Variants in ZC3H12D observed in about 807,000 individuals in gnomAD.
The protein encoded by ZC3H12D is probable ribonuclease ZC3H12D.
ZC3H12D carries 11 observed loss-of-function variants against 24.2 expected under a neutral mutation model. That is an observed-to-expected ratio of 0.46 (90% CI 0.29 to 0.75). ZC3H12D has a LOEUF of 0.75. ZC3H12D is among the 30% of genes least tolerant of loss of function. The probability of loss-of-function intolerance (pLI) is 0.11; values close to 1 mark genes in which losing one functional copy is unlikely to be tolerated. For missense variants in ZC3H12D, 740 were observed against 767.7 expected, an observed-to-expected ratio of 0.96 and a Z score of 0.43; for synonymous variants, 333 against 341.8, an observed-to-expected ratio of 0.97 and a Z score of 0.28.
Position 149,456,623 on chromosome 6 carries a change from G to GGGGGGAGGCCC in ZC3H12D, c.680+42_680+43insGGGCCTCCCCC. 4.0e-6 allele frequency: 3 copies of GGGGGGAGGCCC among 744,584 alleles called. No individual in the cohort carries two copies. Among genetic ancestry groups the GGGGGGAGGCCC allele is most frequent in the East Asian group, 3.5e-5 (1 of 28,324 alleles). 46.1% of individuals were successfully genotyped at this position (744,584 alleles called of 1,614,324 possible). On this transcript the variant is annotated intron_variant, in intron 4 of 5. Transcript: ENST00000409806. This position sits in a 1 kb window ranked among gnomAD's most constrained non-coding sequence, Gnocchi z 4.3. Reference sequence around the variant, plus strand: ...GCCACTGCCTCGACCCCGGCCCCCCGCCCCGCCGCCCCCCAGGGTGTCAGG... The same window carrying GGGGGGAGGCCC: ...GCCACTGCCTCGACCCCGGCCCCCCGGGGGGAGGCCCCCCCGCCGCCCCCCAGGGTGTCAGG...
chr6:149,460,687 G>A (rs569018874), intron 3 of ZC3H12D, among the ~76,000 whole-genome samples: 63 of 152,212 alleles, frequency 4.1e-4, no homozygotes, highest in Middle Eastern at 3.4e-3. Flanking sequence ...AAAATTAGCT[G>A]GGCGTGGTGG....
At chr6:149,453,455 T>C (rs1231659922) in intron 4 of ZC3H12D, among the ~76,000 whole-genome samples, 1 of 152,056 alleles carries the variant, frequency 6.6e-6, no homozygotes, top group Admixed American at 6.5e-5. Flanking sequence ...TGAAACCTCA[T>C]CTCTACTAAA....
chr6:149,478,332 C>T (rs1776373732), intron 1 of ZC3H12D, among the ~76,000 whole-genome samples: 1 of 152,050 alleles, frequency 6.6e-6, no homozygotes, highest in Non-Finnish European at 1.5e-5. Flanking sequence ...CAGCTGTCTT[C>T]TATTAACCCA....
At chr6:149,471,340 T>C (rs985245164) in intron 2 of ZC3H12D, among the ~76,000 whole-genome samples, 5 of 152,362 alleles carry the variant, frequency 3.3e-5, no homozygotes, top group East Asian at 3.9e-4. Flanking sequence ...CCAGCCAGTG[T>C]TGACCATAGT....
intron 3 of ZC3H12D, among the ~76,000 whole-genome samples, chr6:149,460,963 C>T (rs1479618103): frequency 1.3e-5 from 2 of 152,136 alleles, no homozygotes; most frequent in Admixed American, 6.5e-5. Context: ...CATAGTGAGA[C>T]TCCATCTCAA....
intron 1 of ZC3H12D, among the ~76,000 whole-genome samples, chr6:149,475,342 T>TG (rs2115012659): frequency 6.6e-6 from 1 of 152,342 alleles, no homozygotes; most frequent in South Asian, 2.1e-4. Context: ...AGAAAGGCAG[T>TG]GCTCCCACCC....
intron 2 of ZC3H12D, among the ~76,000 whole-genome samples, chr6:149,463,534 C>A (rs1776107643): frequency 6.6e-6 from 1 of 152,190 alleles, no homozygotes; most frequent in Non-Finnish European, 1.5e-5. Flanking sequence ...CATGGTGAAA[C>A]CCTGTCTCTA....
At chr6:149,476,509 A>G (rs1562478047) in intron 1 of ZC3H12D, among the ~76,000 whole-genome samples, 1 of 152,084 alleles carries the variant, frequency 6.6e-6, no homozygotes, top group Non-Finnish European at 1.5e-5. Flanking sequence ...ATCTCTCAAA[A>G]AAAAAAATGC....
chr6:149,451,599 A>G (rs1383234708), intron 5 of ZC3H12D, 120 bp from the exon 6 acceptor site: 1 of 843,752 alleles, frequency 1.2e-6, no homozygotes, highest in African/African-American at 1.8e-5. Flanking sequence ...TCCTCCAAGC[A>G]GGCCCCCAGG....
At position 149,451,352 on chromosome 6, in the gene ZC3H12D, C is replaced by T. The variant is rs369074618; in HGVS notation, c.915G>A (p.Glu305=). Residue 305 remains glutamate, a synonymous_variant, in exon 6 of 6, where the codon GAG becomes GAA. Coordinates refer to ENST00000409806, the MANE Select transcript of ZC3H12D (RefSeq NM_207360.3). Reference sequence around the variant, plus strand: ...CGCCCGGGGCTCTCGGTGGCCGCTGCTCCTCGGCGCCCGCGCCAGGCCGGG... The same window carrying T: ...CGCCCGGGGCTCTCGGTGGCCGCTGTTCCTCGGCGCCCGCGCCAGGCCGGG... ...TGARPGAGAE[E]QRPPRAPGGS... 1.4e-6 allele frequency: 2 copies of T among 1,475,296 alleles called. No homozygotes were observed. The highest frequency in any genetic ancestry group is 8.9e-7 in the Non-Finnish European group (1 of 1,122,142). 91.4% of individuals were successfully genotyped at this position (1,475,296 alleles called of 1,614,324 possible). A position where few individuals can be genotyped will look rare whatever the true frequency, so the allele number is the denominator to read the frequency against.
Position 149,449,925 on chromosome 6 carries a change from C to CTCTGTG in ZC3H12D, c.*757_*758insCACAGA, listed in dbSNP as rs1554268600. ...TGTGAGTATGTACATGTATGATAGA[C>CTCTGTG]TGTGTGTGTGTGTGTGTGTGTGTGT... is the stretch of plus-strand genomic sequence containing the variant. On this transcript the variant is annotated 3_prime_UTR_variant, in exon 6 of 6. Coordinates refer to ENST00000409806, the MANE Select transcript of ZC3H12D (RefSeq NM_207360.3). 2.8e-5 allele frequency: 4 copies of CTCTGTG among 143,990 alleles called. No homozygotes were observed. Among genetic ancestry groups the CTCTGTG allele is most frequent in the Non-Finnish European group, 1.5e-5 (1 of 65,942 alleles). 8.9% of individuals were successfully genotyped at this position (143,990 alleles called of 1,614,324 possible). A position where few individuals can be genotyped will look rare whatever the true frequency, so the allele number is the denominator to read the frequency against.
chr6:149,463,823 T>A (rs995889211), intron 2 of ZC3H12D, among the ~76,000 whole-genome samples: 1 of 152,168 alleles, frequency 6.6e-6, no homozygotes, highest in Non-Finnish European at 1.5e-5. Context: ...ATGGGAGTGA[T>A]AGAGAAGAAG....
Position 149,456,800 on chromosome 6 carries a change from G to GTAGC in ZC3H12D, c.542_545dup (p.Tyr182Ter). 1 of 1,613,418 alleles carries GTAGC rather than the reference G, an allele frequency of 6.2e-7. No homozygotes were observed. Among genetic ancestry groups the GTAGC allele is most frequent in the Non-Finnish European group, 8.5e-7 (1 of 1,179,800 alleles). The stretch of plus-strand genomic sequence containing the variant: ...CCTGCTCGTAGGCCACCTTCACGAT[G>GTAGC]TAGCGGTCGTCGTAGCAGACCAGGC... On this transcript the variant is annotated stop_gained and frameshift_variant, in exon 4 of 6. Coordinates refer to ENST00000409806, the MANE Select transcript of ZC3H12D (RefSeq NM_207360.3). LOFTEE classifies it high-confidence loss of function. This position sits in a 1 kb window ranked among gnomAD's most constrained non-coding sequence, Gnocchi z 4.3.
rs986758532 is a variant in ZC3H12D at position 149,474,321 on chromosome 6, C to A, written c.223G>T (p.Gly75Trp). ...GVPDSAQRGP[G>W]TALEEDFRTL... The stretch of plus-strand genomic sequence containing the variant: ...CTGAAGTCCTCTTCCAGGGCTGTCC[C>A]CGGGCCACGCTGGGCAGAGTCCGGG... Residue 75 changes from glycine (G) to tryptophan (W), a missense_variant, in exon 2 of 6, where the codon GGG (glycine) becomes TGG (tryptophan). Physicochemically the swap from Gly to Trp is radical, Grantham distance 184. Transcript: ENST00000409806. 8.2e-6 allele frequency: 13 copies of A among 1,594,544 alleles called. No homozygotes were observed. Among genetic ancestry groups the A allele is most frequent in the Non-Finnish European group, 1.1e-5 (13 of 1,166,412 alleles).
chr6:149,456,974 C>A lies in ZC3H12D; in HGVS notation c.446-74G>T. 2 of 1,427,726 alleles carry A rather than the reference C, an allele frequency of 1.4e-6. No homozygotes were observed. Among genetic ancestry groups the A allele is most frequent in the Non-Finnish European group, 9.5e-7 (1 of 1,049,278 alleles). The allele number at this position is 1,427,726 out of a possible 1,614,324, so 88.4% of individuals were successfully genotyped here. On this transcript the variant is annotated intron_variant, in intron 3 of 5. Coordinates refer to ENST00000409806, the MANE Select transcript of ZC3H12D (RefSeq NM_207360.3). This position sits in a 1 kb window ranked among gnomAD's most constrained non-coding sequence, Gnocchi z 4.3. ...CCTGAGAACCACCCCCAACGCGAGG[C>A]CACCCGCTTCCCGGGCCGGTCAGAT...
Position 149,452,776 on chromosome 6 carries a change from A to AAAT in ZC3H12D, c.681-55_681-54insATT. ...AGACCACCTGGGATTTGCCACCAGC[A>AAAT]CCTGTACAAAGGGAGCAGGCCCAAG... On this transcript the variant is annotated intron_variant, in intron 4 of 5. Transcript: ENST00000409806. The surrounding 1 kb of genome is among the most constrained non-coding windows in gnomAD (Gnocchi z 4.0). 6.7e-7 allele frequency: 1 copy of AAAT among 1,493,692 alleles called. No individual in the cohort carries two copies. The highest frequency in any genetic ancestry group is 2.4e-5 in the East Asian group (1 of 41,148). 92.5% of individuals were successfully genotyped at this position (1,493,692 alleles called of 1,614,324 possible).
rs1387490772 is a variant in ZC3H12D, at chr6:149,451,286, C to G, written c.981G>C (p.Ala327=). The change falls in exon 6 of 6, where the codon GCG becomes GCC. Residue 327 remains alanine, a synonymous_variant. Transcript: ENST00000409806. The part of the protein sequence containing the change: ...GARAAPREPF[A]HSLPPARGSP... ...ACCCCCGCGCCGGCGGGAGGCTGTG[C>G]GCAAATGGTTCCCGGGGGGCCGCCC... 3.8e-6 allele frequency: 5 copies of G among 1,317,754 alleles called. No homozygotes were observed. The highest frequency in any genetic ancestry group is 3.8e-6 in the Non-Finnish European group (4 of 1,042,140). 81.6% of individuals were successfully genotyped at this position (1,317,754 alleles called of 1,614,324 possible). A position where few individuals can be genotyped will look rare whatever the true frequency, so the allele number is the denominator to read the frequency against.
At chr6:149,462,275 G>A (rs1776086171) in intron 2 of ZC3H12D, among the ~76,000 whole-genome samples, 1 of 152,124 alleles carries the variant, frequency 6.6e-6, no homozygotes, top group Non-Finnish European at 1.5e-5. Context: ...TCTGGAGGCT[G>A]GGGCAGGAAA....
rs368280369 is a variant in ZC3H12D, at chr6:149,474,244, C to T, written c.300G>A (p.Ala100=). The change falls in exon 2 of 6, where the codon GCG becomes GCA. Residue 100 remains alanine (A), a synonymous_variant. Transcript: ENST00000409806. The part of the protein sequence containing the change: ...RPIVIDGSNV[A]MSHGNKETFS... ...ACAGGATGAAGGGAAGCTACCTCAT[C>T]GCCACGTTGCTGCCATCAATCACTA... is the stretch of plus-strand genomic sequence containing the variant. The T allele has an allele frequency of 3.1e-5, 46 of 1,477,870 alleles. 1 individual carries two copies. Among genetic ancestry groups the T allele is most frequent in the African/African-American group, 1.7e-4 (12 of 71,374 alleles). The allele number at this position is 1,477,870 out of a possible 1,614,324, so 91.5% of individuals were successfully genotyped here. A position where few individuals can be genotyped will look rare whatever the true frequency, so the allele number is the denominator to read the frequency against.
Sources: allele counts gnomAD v4.1 joint callset (sites outside exome capture counted in the v4.1 genomes callset), GRCh38; gene constraint gnomAD v4.1.1; non-coding constraint Gnocchi (gnomAD v3.1); transcripts MANE v1.5; gene names NCBI Gene and HGNC (gene_info 2026-07-23, HGNC 2026-07-21).